MBTPS2: variants seen among roughly 807,000 people sequenced by gnomAD.
The protein encoded by MBTPS2 is membrane bound transcription factor peptidase, site 2.
Under a neutral mutation model 35.4 loss-of-function variants are expected in MBTPS2, and 2 were observed. The observed-to-expected ratio is 0.06, with a 90% CI of 0.02 to 0.18. MBTPS2 has a LOEUF of 0.18. Ranked by LOEUF, MBTPS2 falls within the 10% of genes least tolerant of loss-of-function variation. MBTPS2 has a pLI of 1.00. For synonymous variants in MBTPS2, 125 were observed against 140.4 expected, an observed-to-expected ratio of 0.89 and a Z score of 0.77; for missense variants, 244 against 386.5, an observed-to-expected ratio of 0.63 and a Z score of 3.09.
At chrX:21,871,438 T>A (rs892207312) in intron 7 of MBTPS2, 1 of 112,017 alleles carries the variant, frequency 8.9e-6, no homozygotes, top group African/African-American at 3.2e-5. Flanking sequence ...TGCCAATTTT[T>A]TCATCTAAGC....
Position 21,862,964 on chromosome X carries a change from AT to A in MBTPS2, c.671-5502del, listed in dbSNP as rs1569325846. ...TATATATATATATATATATATATAT[AT>A]ATAAAACCGACTGGGCGCGGTGGCT... On this transcript the variant is annotated intron_variant, in intron 5 of 10. Coordinates refer to ENST00000379484, the MANE Select transcript of MBTPS2 (RefSeq NM_015884.4). Among the ~76,000 whole-genome samples the A allele has an allele frequency of 1.2e-4, 8 of 66,555 alleles. No individual in the cohort carries two copies. The East Asian group carries it at 1.7e-3, about 14-fold the overall frequency. 57.8% of individuals were successfully genotyped at this position (66,555 alleles called of 115,157 possible).
rs995726729 is a variant in MBTPS2, at chrX:21,869,483, T to C, written c.790-15T>C. On this transcript the variant is annotated splice_polypyrimidine_tract_variant and intron_variant, in intron 6 of 10. Coordinates refer to ENST00000379484, the MANE Select transcript of MBTPS2 (RefSeq NM_015884.4). ...CTTCATGCATTATCTGATTTGGTTT[T>C]ACCCTCTTCCCAAGGACTCTCCTGC... 2 of 1,199,050 alleles carry C rather than the reference T, an allele frequency of 1.7e-6. No individual in the cohort carries two copies. Among genetic ancestry groups the C allele is most frequent in the Non-Finnish European group, 2.3e-6 (2 of 883,718 alleles).
intron 5 of MBTPS2, among the ~76,000 whole-genome samples, chrX:21,854,629 T>C (rs2092918347): frequency 8.9e-6 from 1 of 112,189 alleles, no homozygotes. Flanking sequence ...TGAATCTTAC[T>C]GTATCAAGTA....
In MBTPS2 at chrX:21,856,768, A is replaced by G. The variant is rs767275737; in HGVS notation, c.670+3265A>G. ...GTGGTGGGCTATTGCGACTCAGACA[A>G]CCAGCTAGGCAACGACTTGGAGGAC... On this transcript the variant is annotated intron_variant, in intron 5 of 10. Coordinates refer to ENST00000379484, the MANE Select transcript of MBTPS2 (RefSeq NM_015884.4). The G allele has an allele frequency of 1.9e-5, 23 of 1,209,934 alleles. No individual in the cohort carries two copies. The highest frequency in any genetic ancestry group is 2.1e-5 in the Non-Finnish European group (19 of 895,251).
rs1569327368 is a variant in MBTPS2, at chrX:21,869,659, G to C, written c.951G>C (p.Gln317His). The stretch of plus-strand genomic sequence containing the variant: ...GTATAAGTGCATCAACTTTACAGCA[G>C]TTAAGTTTCCCAGTTAGAGGTGTGT... The part of the protein sequence containing the change: ...GYCISASTLQ[Q>H]LSFPVRAYKR... The change falls in exon 7 of 11, where the codon CAG becomes CAC. Residue 317 changes from glutamine to histidine, a missense_variant. Coordinates refer to ENST00000379484, the MANE Select transcript of MBTPS2 (RefSeq NM_015884.4). 2.5e-6 allele frequency: 3 copies of C among 1,208,429 alleles called. No homozygotes were observed. Among genetic ancestry groups the C allele is most frequent in the Non-Finnish European group, 3.4e-6 (3 of 892,479 alleles).
At chrX:21,878,421 G>A (rs892948246) in intron 8 of MBTPS2, 76 bp from the exon 9 acceptor site, 8 of 780,084 alleles carry the variant, frequency 1.0e-5, no homozygotes, top group Middle Eastern at 3.3e-4. Context: ...TAGGTGACAT[G>A]AAAAATATTG....
intron 5 of MBTPS2, among the ~76,000 whole-genome samples, chrX:21,862,933 C>CATATATATATATAT (rs542223686): frequency 0.03 from 823 of 27,608 alleles, 117 homozygotes; most frequent in Non-Finnish European, 0.057. Context: ...TATATATAAA[C>CATATATATATATAT]ATATATATAT....
chrX:21,856,067 A>G lies in MBTPS2; in HGVS notation c.670+2564A>G, dbSNP rs745879369. The G allele has an allele frequency of 6.5e-4, 93 of 143,856 alleles. 1 individual carries two copies. The highest frequency in any genetic ancestry group is 5.9e-3 in the South Asian group (23 of 3,919). The allele number at this position is 143,856 out of a possible 1,213,427, so 11.9% of individuals were successfully genotyped here. A position where few individuals can be genotyped will look rare whatever the true frequency, so the allele number is the denominator to read the frequency against. ...TATGGGATGGACAGGAGGGGAAGACATGAAAATCAACTAAAATGAAATACA... is the reference window on the plus strand; with the variant it reads ...TATGGGATGGACAGGAGGGGAAGACGTGAAAATCAACTAAAATGAAATACA... On this transcript the variant is annotated intron_variant, in intron 5 of 10. Transcript: ENST00000379484.
intron 5 of MBTPS2, chrX:21,857,057 C>T (rs959495609): frequency 3.3e-6 from 4 of 1,209,909 alleles, no homozygotes; most frequent in South Asian, 1.8e-5. Flanking sequence ...GGTCCCCTAA[C>T]GATAACAATG....
intron 8 of MBTPS2, 76 bp from the exon 9 acceptor site, chrX:21,878,421 G>T: frequency 1.3e-6 from 1 of 780,084 alleles, no homozygotes; most frequent in Admixed American, 2.3e-5. Context: ...TAGGTGACAT[G>T]AAAAATATTG....
At chrX:21,868,804 T>C (rs2092943729) in intron 6 of MBTPS2, among the ~76,000 whole-genome samples, 1 of 112,715 alleles carries the variant, frequency 8.9e-6, no homozygotes, top group African/African-American at 3.2e-5. Flanking sequence ...ATGCTGTACT[T>C]AGGAAGATAG....
intron 9 of MBTPS2, among the ~76,000 whole-genome samples, chrX:21,879,107 C>T (rs2092956225): frequency 8.9e-6 from 1 of 111,858 alleles, no homozygotes; most frequent in Admixed American, 9.5e-5. Context: ...TATGAATATA[C>T]TTTCAAAACT....
intron 3 of MBTPS2, among the ~76,000 whole-genome samples, chrX:21,846,141 A>G (rs1038184059): frequency 1.9e-4 from 21 of 111,388 alleles, no homozygotes; most frequent in African/African-American, 6.5e-4. Context: ...GTAGAGAACA[A>G]TAATCTCTCC....
chrX:21,850,087 C>G (rs2092913298), intron 3 of MBTPS2, among the ~76,000 whole-genome samples: 1 of 109,354 alleles, frequency 9.1e-6, no homozygotes, highest in Non-Finnish European at 1.9e-5. Flanking sequence ...TCTCAAGAGC[C>G]CAATCCCTTA....
chrX:21,853,986 G>C (rs191883428), intron 5 of MBTPS2, among the ~76,000 whole-genome samples: 2 of 111,115 alleles, frequency 1.8e-5, no homozygotes, highest in African/African-American at 6.5e-5. Context: ...ACTGACATAC[G>C]ACAAATCCAT....
Position 21,882,838 on chromosome X carries a change from G to A in MBTPS2, c.*183G>A. ...CAAACTCTGTGGTAGAAGATAAGCA[G>A]AAGAAATGAAAGGCATAGTCCCTGA... On this transcript the variant is annotated 3_prime_UTR_variant, in exon 11 of 11. Coordinates refer to ENST00000379484, the MANE Select transcript of MBTPS2 (RefSeq NM_015884.4). The A allele has an allele frequency of 9.1e-7, 1 of 1,100,967 alleles. No homozygotes were observed. The highest frequency in any genetic ancestry group is 1.2e-6 in the Non-Finnish European group (1 of 844,905). 90.7% of individuals were successfully genotyped at this position (1,100,967 alleles called of 1,213,427 possible).
In MBTPS2 at chrX:21,867,830, A is replaced by G. The variant is rs746665197; in HGVS notation, c.671-637A>G. ...ATTTTTTTGTATTTTTAGTAGAGAC[A>G]GGGTTTCACCATGTTGGCCAAGCTG... is the stretch of plus-strand genomic sequence containing the variant. On this transcript the variant is annotated intron_variant, in intron 5 of 10. Coordinates refer to ENST00000379484, the MANE Select transcript of MBTPS2 (RefSeq NM_015884.4). Among the ~76,000 whole-genome samples the G allele has an allele frequency of 5.5e-3, 609 of 110,504 alleles. 5 individuals carry two copies. Among genetic ancestry groups the G allele is most frequent in the African/African-American group, 0.019 (588 of 30,378 alleles).
At chrX:21,864,917 G>A (rs1296834110) in intron 5 of MBTPS2, among the ~76,000 whole-genome samples, 4 of 86,898 alleles carry the variant, frequency 4.6e-5, no homozygotes, top group Non-Finnish European at 6.5e-5. Context: ...ATATCACCCT[G>A]TCACCCAGGC....
chrX:21,862,919 CATATATATATAAACAT>C lies in MBTPS2; in HGVS notation c.671-5536_671-5521del, dbSNP rs1302547930. Among the ~76,000 whole-genome samples the C allele has an allele frequency of 5.8e-3, 236 of 40,360 alleles. 8 individuals are homozygous for C. The highest frequency in any genetic ancestry group is 0.014 in the East Asian group (12 of 888). The allele number at this position is 40,360 out of a possible 115,157, so 35.0% of individuals were successfully genotyped here. ...ATATAAACATATATAAATATATAAA[CATATATATATAAACAT>C]ATATATATATATATATATATATATA... is the stretch of plus-strand genomic sequence containing the variant. On this transcript the variant is annotated intron_variant, in intron 5 of 10. Coordinates refer to ENST00000379484, the MANE Select transcript of MBTPS2 (RefSeq NM_015884.4).
Sources: gnomAD v4.1 joint callset for allele counts (sites outside exome capture counted in the v4.1 genomes callset) on GRCh38, gnomAD v4.1.1 for gene constraint, MANE v1.5 for transcripts, NCBI Gene and HGNC (gene_info 2026-07-23, HGNC 2026-07-21) for gene names.